CACNA1E: variants seen among roughly 807,000 people sequenced by gnomAD.
The protein encoded by CACNA1E is voltage-dependent R-type calcium channel subunit alpha-1E.
In CACNA1E, 40 loss-of-function variants were observed where a neutral mutation model predicts 259.2. The ratio of observed to expected loss-of-function variants is 0.15; its 90% CI spans 0.12 to 0.20. The LOEUF is 0.20. Ranked by LOEUF, CACNA1E falls within the 10% of genes least tolerant of loss-of-function variation. The pLI, the probability that CACNA1E is intolerant of heterozygous loss-of-function variation, is 1.00. For missense variants in CACNA1E, 1,874 were observed against 3,040.1 expected, an observed-to-expected ratio of 0.62 and a Z score of 9.02; for synonymous variants, 1,104 against 1,138.5, an observed-to-expected ratio of 0.97 and a Z score of 0.61.
chr1:181,618,415 A>G (rs1655424000), intron 6 of CACNA1E, among the ~76,000 whole-genome samples: 1 of 152,140 alleles, frequency 6.6e-6, no homozygotes, highest in Admixed American at 6.5e-5. Flanking sequence ...AAAATACAAA[A>G]TTAGCTGGGC....
At chr1:181,739,304 A>T in intron 25 of CACNA1E, 51 bp downstream of exon 25, 1 of 1,204,354 alleles carries the variant, frequency 8.3e-7, no homozygotes, top group Non-Finnish European at 1.2e-6. Flanking sequence ...CTTCCTGGAG[A>T]CTCCAGTTGA....
rs77840296 is a variant in CACNA1E, at chr1:181,768,750, A to G, written c.4881+2139A>G. On this transcript the variant is annotated intron_variant, in intron 35 of 47. Transcript: ENST00000367573. ...GACATTTCTGCTATGACTTGCTTTGAGCTGGCCATCCCCATCCTGGTCTAT... is the reference window on the plus strand; with the variant it reads ...GACATTTCTGCTATGACTTGCTTTGGGCTGGCCATCCCCATCCTGGTCTAT... Among the ~76,000 whole-genome samples, 8 of 152,282 alleles carry G rather than the reference A, an allele frequency of 5.3e-5. No individual in the cohort carries two copies. In the East Asian group the frequency reaches 1.2e-3, roughly 22 times the overall value.
chr1:181,641,352 G>A (rs1006682006), intron 6 of CACNA1E, among the ~76,000 whole-genome samples: 6 of 152,172 alleles, frequency 3.9e-5, no homozygotes, highest in African/African-American at 1.4e-4. Flanking sequence ...AACAATTTAT[G>A]CCACCATTCA....
chr1:181,792,201 T>C (rs1268784828), intron 44 of CACNA1E, among the ~76,000 whole-genome samples: 5 of 152,102 alleles, frequency 3.3e-5, no homozygotes, highest in Non-Finnish European at 7.4e-5. Context: ...ATCTCAATAA[T>C]GTGTCCTTTC....
intron 38 of CACNA1E, among the ~76,000 whole-genome samples, chr1:181,780,328 G>T (rs574933174): frequency 1.3e-5 from 2 of 152,144 alleles, no homozygotes; most frequent in African/African-American, 4.8e-5. Context: ...TTGTTCAGGG[G>T]TGAGTAGGAC....
intron 6 of CACNA1E, among the ~76,000 whole-genome samples, chr1:181,613,209 A>G (rs1654904016): frequency 6.6e-6 from 1 of 152,014 alleles, no homozygotes; most frequent in African/African-American, 2.4e-5. Context: ...TGTCTTGGTT[A>G]TTTTGTTTTC....
At chr1:181,763,065 T>G (rs1658722912) in intron 33 of CACNA1E, among the ~76,000 whole-genome samples, 1 of 152,180 alleles carries the variant, frequency 6.6e-6, no homozygotes, top group South Asian at 2.1e-4. Context: ...CTTTGAATAT[T>G]AGAGGGCCAG....
chr1:181,557,679 A>G (rs1421821434), intron 3 of CACNA1E, among the ~76,000 whole-genome samples: 1 of 152,022 alleles, frequency 6.6e-6, no homozygotes, highest in East Asian at 1.9e-4. Context: ...TACTTTCTCA[A>G]CCACTGCTGG....
At chr1:181,754,934 C>G (rs540667954) in intron 27 of CACNA1E, among the ~76,000 whole-genome samples, 2 of 152,210 alleles carry the variant, frequency 1.3e-5, no homozygotes, top group African/African-American at 4.8e-5. Context: ...GTGGAGTACC[C>G]GTACCAGGAT....
At chr1:181,521,668 ATTTAC>A (rs1485656474) in intron 3 of CACNA1E, among the ~76,000 whole-genome samples, 1 of 152,202 alleles carries the variant, frequency 6.6e-6, no homozygotes, top group African/African-American at 2.4e-5. Flanking sequence ...GAAGACAGAT[ATTTAC>A]TTTAATTTAA....
At chr1:181,645,057 G>GT (rs1658139922) in intron 6 of CACNA1E, among the ~76,000 whole-genome samples, 1 of 152,172 alleles carries the variant, frequency 6.6e-6, no homozygotes, top group Non-Finnish European at 1.5e-5. Context: ...AGCCTGCCAC[G>GT]TCCTTACTGG....
rs1199965808 is a variant in CACNA1E at position 181,365,564 on chromosome 1, G to A, written c.-15+47441G>A. On this transcript the variant is annotated intron_variant, in intron 1 of 11. Transcript: ENST00000524607. ...CAGCTGCAGCCTATTGGCTTGATTTGTTGTTGTTCTACTGAAAAAGTAGCA... is the reference window on the plus strand; with the variant it reads ...CAGCTGCAGCCTATTGGCTTGATTTATTGTTGTTCTACTGAAAAAGTAGCA... Among the ~76,000 whole-genome samples the A allele has an allele frequency of 2.6e-5, 4 of 152,246 alleles. No individual in the cohort carries two copies. The South Asian group carries it at 6.2e-4, about 24-fold the overall frequency.
chr1:181,477,324 A>G (rs552254025), intron 2 of CACNA1E, among the ~76,000 whole-genome samples: 1 of 151,916 alleles, frequency 6.6e-6, no homozygotes, highest in African/African-American at 2.4e-5. Flanking sequence ...CCTGTGGTGC[A>G]CTCCACATCC....
intron 1 of CACNA1E, among the ~76,000 whole-genome samples, chr1:181,484,211 CTT>C (rs1398662450): frequency 1.3e-5 from 2 of 152,094 alleles, no homozygotes; most frequent in Non-Finnish European, 2.9e-5. Context: ...CAAGGTAAGA[CTT>C]TTGGTTTTTT....
chr1:181,755,505 C>A, intron 28 of CACNA1E, 108 bp downstream of exon 28: 1 of 858,626 alleles, frequency 1.2e-6, no homozygotes, highest in South Asian at 1.8e-5. Flanking sequence ...CCCATCTCTG[C>A]TCTTCTTTCA....
chr1:181,481,707 T>C (rs1663259772), upstream of CACNA1E, among the ~76,000 whole-genome samples: 1 of 152,170 alleles, frequency 6.6e-6, no homozygotes, highest in Admixed American at 6.5e-5. Context: ...AGGGGACAGC[T>C]GGTCCCTGCC....
intron 2 of CACNA1E, among the ~76,000 whole-genome samples, chr1:181,416,643 G>A (rs1658295538): frequency 6.6e-6 from 1 of 152,134 alleles, no homozygotes; most frequent in Non-Finnish European, 1.5e-5. Context: ...CTCTGCAGCT[G>A]CCTCATGTGA....
chr1:181,640,198 A>C (rs764979381), intron 6 of CACNA1E, among the ~76,000 whole-genome samples: 2 of 152,242 alleles, frequency 1.3e-5, no homozygotes, highest in Non-Finnish European at 2.9e-5. Flanking sequence ...TATTTTGTGC[A>C]CATCTGTAGC....
chr1:181,758,493 G>A lies in CACNA1E; in HGVS notation c.4495-265G>A, dbSNP rs938555375. ...ACTCCAGTAACTAACTCTAGAAAAT[G>A]TTTCTTCCCTGCCCACCCTCATCTC... On this transcript the variant is annotated intron_variant, in intron 31 of 47. Transcript: ENST00000367573. This position sits in a 1 kb window ranked among gnomAD's most constrained non-coding sequence, Gnocchi z 4.2. 1.3e-5 allele frequency among the ~76,000 whole-genome samples: 2 copies of A among 152,142 alleles called. No individual in the cohort carries two copies. Among genetic ancestry groups the A allele is most frequent in the African/African-American group, 4.8e-5 (2 of 41,438 alleles).
Sources: allele counts gnomAD v4.1 joint callset (sites outside exome capture counted in the v4.1 genomes callset), GRCh38; gene constraint gnomAD v4.1.1; non-coding constraint Gnocchi (gnomAD v3.1); transcripts MANE v1.5; gene names NCBI Gene and HGNC (gene_info 2026-07-23, HGNC 2026-07-21).